The following GABRA2 variants were observed in gnomAD, a reference collection of about 807,000 sequenced individuals.
The protein encoded by GABRA2 is gamma-aminobutyric acid receptor subunit alpha-2.
A neutral mutation model predicts 48.7 loss-of-function variants in GABRA2; 16 were observed. The ratio of observed to expected loss-of-function variants is 0.33; its 90% CI spans 0.22 to 0.50. The LOEUF is 0.50. Ranked by LOEUF, GABRA2 falls within the 20% of genes least tolerant of loss-of-function variation. The pLI is 0.98. For synonymous variants in GABRA2, 185 were observed against 184.5 expected (o/e 1.00, Z -0.02); for missense variants, 275 against 535.6 (o/e 0.51, Z 4.80).
chr4:46,245,585 T>G lies in GABRA2; in HGVS notation c.*4723A>C, dbSNP rs1713571325. On this transcript the variant is annotated 3_prime_UTR_variant, in exon 10 of 10. Transcript: ENST00000381620. The stretch of plus-strand genomic sequence containing the variant: ...TTCTAGTGTGCAAGTTAATTGCTAG[T>G]TTAATAAGAGCTGAATTTGTGATAA... Among the ~76,000 whole-genome samples the G allele has an allele frequency of 6.6e-6, 1 of 151,330 alleles. No homozygotes were observed. Among genetic ancestry groups the G allele is most frequent in the Admixed American group, 6.6e-5 (1 of 15,126 alleles).
At chr4:46,301,971 A>T (rs906500261) in intron 8 of GABRA2, among the ~76,000 whole-genome samples, 2 of 152,168 alleles carry the variant, frequency 1.3e-5, no homozygotes, top group Non-Finnish European at 2.9e-5. Flanking sequence ...TATATCCAAA[A>T]AGCAGTAACC....
intron 3 of GABRA2, among the ~76,000 whole-genome samples, chr4:46,375,539 C>A (rs930607852): frequency 1.3e-5 from 2 of 152,100 alleles, no homozygotes; most frequent in Non-Finnish European, 2.9e-5. Context: ...TTGGGAATGC[C>A]ACACTTAAAC....
In GABRA2 at chr4:46,250,535, T is replaced by C. The variant is rs751717287; in HGVS notation, c.1129A>G (p.Asn377Asp). ...YAVAVANYAPNLSKDPVLSTI... is the reference protein window; with the variant it reads ...YAVAVANYAPDLSKDPVLSTI... ...GAGAGAACTGGATCTTTTGAAAGAT[T>C]CGGGGCATAATTGGCAACAGCCACT... The change falls in exon 10 of 10, where the codon AAT (asparagine) becomes GAT (aspartate). Residue 377 changes from asparagine to aspartate, a missense_variant. Physicochemically the swap from Asn to Asp is conservative, Grantham distance 23. Transcript: ENST00000381620. 1 of 1,611,718 alleles carries C rather than the reference T, an allele frequency of 6.2e-7. No individual in the cohort carries two copies. Among genetic ancestry groups the C allele is most frequent in the South Asian group, 1.1e-5 (1 of 91,032 alleles).
chr4:46,292,849 G>A (rs2109547817), intron 8 of GABRA2, among the ~76,000 whole-genome samples: 2 of 151,784 alleles, frequency 1.3e-5, no homozygotes. Flanking sequence ...AGATTTGTGA[G>A]GGCAGCACCT....
intron 8 of GABRA2, among the ~76,000 whole-genome samples, chr4:46,266,559 C>T (rs929087909): frequency 7.3e-5 from 11 of 151,052 alleles, no homozygotes; most frequent in African/African-American, 2.7e-4. Flanking sequence ...TTTCGAGATT[C>T]TCTATTGGCC....
At chr4:46,360,759 T>A (rs1173994146) in intron 3 of GABRA2, among the ~76,000 whole-genome samples, 1 of 152,200 alleles carries the variant, frequency 6.6e-6, no homozygotes, top group Non-Finnish European at 1.5e-5. Flanking sequence ...ACCTAGAGAC[T>A]TGTTGAATGG....
At chr4:46,362,811 G>T (rs1713424405) in intron 3 of GABRA2, among the ~76,000 whole-genome samples, 1 of 152,300 alleles carries the variant, frequency 6.6e-6, no homozygotes, top group Non-Finnish European at 1.5e-5. Flanking sequence ...AATGGCAAAA[G>T]ATAGTAAAGT....
At chr4:46,275,811 C>A (rs1720379538) in intron 8 of GABRA2, among the ~76,000 whole-genome samples, 1 of 152,026 alleles carries the variant, frequency 6.6e-6, no homozygotes, top group Non-Finnish European at 1.5e-5. Flanking sequence ...AATAGTACAT[C>A]ATTAGAGAAT....
At chr4:46,256,423 A>G in intron 9 of GABRA2, 1 of 471,360 alleles carries the variant, frequency 2.1e-6, no homozygotes, top group South Asian at 4.1e-5. Context: ...ATTGGGAAAA[A>G]TTTGACATCA....
intron 3 of GABRA2, among the ~76,000 whole-genome samples, chr4:46,373,214 C>G (rs2110008406): frequency 6.6e-6 from 1 of 152,308 alleles, no homozygotes. Context: ...CCTGAGTCAG[C>G]AACTGTATTC....
At chr4:46,251,058 C>A (rs976353848) in intron 9 of GABRA2, among the ~76,000 whole-genome samples, 1 of 151,470 alleles carries the variant, frequency 6.6e-6, no homozygotes, top group African/African-American at 2.4e-5. Context: ...AGTCATATAG[C>A]AATGCTTTAC....
chr4:46,340,195 C>CT (rs1304376694), intron 3 of GABRA2, among the ~76,000 whole-genome samples: 2 of 151,732 alleles, frequency 1.3e-5, no homozygotes, highest in Non-Finnish European at 2.9e-5. Context: ...CCTACAGTCT[C>CT]TTTTTTTAAA....
Position 46,389,863 on chromosome 4 carries a change from C to A in GABRA2, c.-139G>T. The A allele has an allele frequency of 1.3e-6, 1 of 767,110 alleles. No individual in the cohort carries two copies. Among genetic ancestry groups the A allele is most frequent in the African/African-American group, 4.0e-5 (1 of 24,750 alleles). 47.5% of individuals were successfully genotyped at this position (767,110 alleles called of 1,614,324 possible). A position where few individuals can be genotyped will look rare whatever the true frequency, so the allele number is the denominator to read the frequency against. ...AGAGAGAGAGAGAGAGAGAGAGAGACCGAGACTGCAGCAGCCAAGAGAGCG... is the reference window on the plus strand; with the variant it reads ...AGAGAGAGAGAGAGAGAGAGAGAGAACGAGACTGCAGCAGCCAAGAGAGCG... On this transcript the variant is annotated 5_prime_UTR_variant, in exon 1 of 10. Coordinates refer to ENST00000381620, the MANE Select transcript of GABRA2 (RefSeq NM_000807.4).
chr4:46,367,893 G>A (rs549515082), intron 3 of GABRA2: 12 of 152,198 alleles, frequency 7.9e-5, no homozygotes, highest in Admixed American at 6.5e-4. Context: ...TAAATGGTAG[G>A]GTTGCACTTC....
intron 9 of GABRA2, chr4:46,256,367 G>T: frequency 1.5e-6 from 1 of 649,450 alleles, no homozygotes; most frequent in Non-Finnish European, 2.8e-6. Context: ...AGCTTTTATT[G>T]AAGGGGACTA....
intron 8 of GABRA2, among the ~76,000 whole-genome samples, chr4:46,269,635 C>T (rs529826): frequency 0.5 from 75,915 of 151,450 alleles, 20,310 homozygotes; most frequent in South Asian, 0.76. Context: ...AAAAGAAACA[C>T]CTACAGTTAT....
At chr4:46,263,261 G>C (rs929172452) in intron 8 of GABRA2, among the ~76,000 whole-genome samples, 1 of 152,074 alleles carries the variant, frequency 6.6e-6, no homozygotes, top group Non-Finnish European at 1.5e-5. Context: ...TATTGAGGAA[G>C]ATATGGGGCA....
intron 3 of GABRA2, among the ~76,000 whole-genome samples, chr4:46,333,431 A>G: frequency 6.6e-6 from 1 of 152,078 alleles, no homozygotes; most frequent in Non-Finnish European, 1.5e-5. Context: ...AGATCAAAAA[A>G]CAAAAATATT....
intron 8 of GABRA2, among the ~76,000 whole-genome samples, chr4:46,296,995 G>C (rs773242620): frequency 5.9e-5 from 9 of 152,090 alleles, no homozygotes; most frequent in Non-Finnish European, 1.3e-4. Flanking sequence ...TATTACCTTA[G>C]GTGTAATTAT....
Sources: allele counts gnomAD v4.1 joint callset (sites outside exome capture counted in the v4.1 genomes callset), GRCh38; gene constraint gnomAD v4.1.1; transcripts MANE v1.5; gene names NCBI Gene and HGNC (gene_info 2026-07-23, HGNC 2026-07-21).